Variants in INTS8 observed in about 807,000 individuals in gnomAD.
INTS8 encodes the protein integrator complex subunit 8.
A neutral mutation model predicts 138.9 loss-of-function variants in INTS8; 47 were observed. The ratio of observed to expected loss-of-function variants is 0.34; its 90% CI spans 0.27 to 0.43. INTS8 has a LOEUF of 0.43. INTS8 is among the 20% of genes least tolerant of loss of function. The pLI is 1.00. For synonymous variants in INTS8, 392 were observed against 400.9 expected (o/e 0.98, Z 0.27); for missense variants, 996 against 1,173.0 (o/e 0.85, Z 2.20).
At chr8:94,860,955 G>C (rs965366132) in intron 16 of INTS8, among the ~76,000 whole-genome samples, 1 of 150,980 alleles carries the variant, frequency 6.6e-6, no homozygotes, top group Non-Finnish European at 1.5e-5. Flanking sequence ...TACTCGGGAG[G>C]CTGAGGCAGG....
At chr8:94,869,188 T>C (rs1157961325) in intron 20 of INTS8, among the ~76,000 whole-genome samples, 1 of 151,292 alleles carries the variant, frequency 6.6e-6, no homozygotes, top group African/African-American at 2.4e-5. Flanking sequence ...TTCATGTTGG[T>C]CAGGCTGGTC....
chr8:94,861,949 C>CT (rs899759972), intron 16 of INTS8, among the ~76,000 whole-genome samples: 5 of 151,506 alleles, frequency 3.3e-5, no homozygotes, highest in Admixed American at 1.3e-4. Context: ...TCTATCTCTT[C>CT]TTTTTTTTGG....
intron 10 of INTS8, among the ~76,000 whole-genome samples, chr8:94,848,343 T>C (rs927461922): frequency 6.6e-6 from 1 of 152,140 alleles, no homozygotes; most frequent in African/African-American, 2.4e-5. Context: ...CATCAAGATA[T>C]AATTCACATA....
At chr8:94,833,959 A>T (rs548859181) in intron 6 of INTS8, among the ~76,000 whole-genome samples, 80 of 151,988 alleles carry the variant, frequency 5.3e-4, no homozygotes, top group African/African-American at 1.8e-3. Context: ...TTTAGTAGAG[A>T]TGGGGTTTCT....
chr8:94,830,162 C>T (rs546216965), intron 5 of INTS8, among the ~76,000 whole-genome samples: 149 of 152,306 alleles, frequency 9.8e-4, no homozygotes, highest in Middle Eastern at 3.4e-3. Flanking sequence ...TTCCAAAGTG[C>T]TGGGATTACA....
chr8:94,878,104 C>T (rs1174488151), intron 26 of INTS8, among the ~76,000 whole-genome samples: 1 of 152,118 alleles, frequency 6.6e-6, no homozygotes, highest in Non-Finnish European at 1.5e-5. Context: ...CTGGGAAAGC[C>T]CTAGCCCTGC....
chr8:94,859,587 A>G lies in INTS8; in HGVS notation c.2031A>G (p.Thr677=), dbSNP rs138818665. 2.1e-3 allele frequency: 3,400 copies of G among 1,611,664 alleles called. 6 individuals carry two copies. The highest frequency in any genetic ancestry group is 2.5e-3 in the Non-Finnish European group (2,900 of 1,178,006). ...ACTGGAGAGAAAATGAATACCTTAC[A>G]CTCCAAGTTCCTGCATTTTTGCTTC... The part of the protein sequence containing the change: ...MLNWRENEYL[T]LQVPAFLLQS... Residue 677 remains threonine, a synonymous_variant, in exon 16 of 27, where the codon ACA becomes ACG. Transcript: ENST00000523731.
rs765249039 is a variant in INTS8, at chr8:94,842,397, T to C, written c.1169T>C (p.Val390Ala). Residue 390 changes from valine to alanine, a missense_variant, in exon 10 of 27, where the codon GTC becomes GCC. Val to Ala is a moderately conservative substitution (Grantham distance 64). Transcript: ENST00000523731. Reference protein sequence around the residue: ...ICFKVCACNTVRDILEGRTIS... With the variant: ...ICFKVCACNTARDILEGRTIS... ...TTTAAAGTTTGTGCCTGTAATACAGTCCGTGATATACTGGAAGGCAGAACA... is the reference window on the plus strand; with the variant it reads ...TTTAAAGTTTGTGCCTGTAATACAGCCCGTGATATACTGGAAGGCAGAACA... 7 of 1,603,970 alleles carry C rather than the reference T, an allele frequency of 4.4e-6. No individual in the cohort carries two copies. In the East Asian group the frequency reaches 1.6e-4, roughly 36 times the overall value.
chr8:94,851,588 C>G lies in INTS8; in HGVS notation c.1543C>G (p.Gln515Glu), dbSNP rs1249058073. Reference protein sequence around the residue: ...ASVNIGQLEHQLILSVDPWRI... With the variant: ...ASVNIGQLEHELILSVDPWRI... ...TGTCAACATTGGTCAGTTAGAGCAT[C>G]AACTTATATTGTCAGTGGATCCTTG... The change falls in exon 13 of 27, where the codon CAA (glutamine) becomes GAA (glutamate). Residue 515 changes from glutamine (Q) to glutamate (E), a missense_variant. Coordinates refer to ENST00000523731, the MANE Select transcript of INTS8 (RefSeq NM_017864.4). 1 of 1,594,200 alleles carries G rather than the reference C, an allele frequency of 6.3e-7. No homozygotes were observed. The highest frequency in any genetic ancestry group is 8.5e-7 in the Non-Finnish European group (1 of 1,172,640).
chr8:94,873,554 T>C, intron 22 of INTS8, 77 bp downstream of exon 22: 1 of 866,384 alleles, frequency 1.2e-6, no homozygotes, highest in East Asian at 2.4e-5. Context: ...TGGCTGAACT[T>C]ACCCATTTCC....
chr8:94,878,394 G>A (rs777171738), intron 26 of INTS8, among the ~76,000 whole-genome samples: 1 of 152,156 alleles, frequency 6.6e-6, no homozygotes, highest in Non-Finnish European at 1.5e-5. Context: ...TGTCCTCATG[G>A]ATGTTAAGAG....
chr8:94,878,738 C>G (rs1461800402), intron 26 of INTS8, among the ~76,000 whole-genome samples: 3 of 152,224 alleles, frequency 2.0e-5, no homozygotes, highest in Admixed American at 6.5e-5. Flanking sequence ...AATTTGACTT[C>G]TGCCATCACT....
intron 23 of INTS8, 25 bp downstream of exon 23, chr8:94,874,627 G>T (rs1039413025): frequency 1.4e-6 from 2 of 1,387,670 alleles, no homozygotes; most frequent in Non-Finnish European, 2.0e-6. Context: ...TTATGAAGTT[G>T]TTTTATTTTT....
At position 94,856,667 on chromosome 8, in the gene INTS8, A is replaced by C. The variant is rs566772481; in HGVS notation, c.1753-110A>C. 77 of 844,914 alleles carry C rather than the reference A, an allele frequency of 9.1e-5. No individual in the cohort carries two copies. In the African/African-American group the frequency reaches 1.1e-3, roughly 12 times the overall value. The allele number at this position is 844,914 out of a possible 1,614,324, so 52.3% of individuals were successfully genotyped here. ...CTAGCCTTACTGCCTGAGAAAAGCAACGTTAACCATTTGAAATAATCCTTC... is the reference window on the plus strand; with the variant it reads ...CTAGCCTTACTGCCTGAGAAAAGCACCGTTAACCATTTGAAATAATCCTTC... On this transcript the variant is annotated intron_variant, in intron 14 of 26. Coordinates refer to ENST00000523731, the MANE Select transcript of INTS8 (RefSeq NM_017864.4).
At chr8:94,851,798 T>G (rs944573011) in intron 13 of INTS8, 112 bp downstream of exon 13, 3 of 761,760 alleles carry the variant, frequency 3.9e-6, no homozygotes, top group Non-Finnish European at 6.2e-6. Context: ...ACTTAACAGT[T>G]TTAAGACCTT....
In INTS8 at chr8:94,871,919, C is replaced by G. The variant is rs760577357; in HGVS notation, c.2450C>G (p.Thr817Arg). 6.2e-7 allele frequency: 1 copy of G among 1,606,698 alleles called. No individual in the cohort carries two copies. The highest frequency in any genetic ancestry group is 8.5e-7 in the Non-Finnish European group (1 of 1,173,900). The change falls in exon 21 of 27, where the codon ACA becomes AGA. Residue 817 changes from threonine (T) to arginine (R), a missense_variant. Thr to Arg is a moderately conservative substitution (Grantham distance 71, BLOSUM62 -1). Transcript: ENST00000523731. The part of the protein sequence containing the change: ...QSVDFEAVAI[T>R]VKELVRYTLS... Reference sequence around the variant, plus strand: ...GTGGACTTTGAAGCTGTGGCAATCACAGTGAAAGAGCTAGTTCGATATACA... The same window carrying G: ...GTGGACTTTGAAGCTGTGGCAATCAGAGTGAAAGAGCTAGTTCGATATACA...
chr8:94,850,950 G>A (rs1815521119), intron 12 of INTS8, among the ~76,000 whole-genome samples: 1 of 152,106 alleles, frequency 6.6e-6, no homozygotes, highest in Non-Finnish European at 1.5e-5. Flanking sequence ...TTTAACAAAA[G>A]CAAACTTTTA....
At chr8:94,866,728 T>C (rs1253700849) in intron 18 of INTS8, 2 of 175,126 alleles carry the variant, frequency 1.1e-5, no homozygotes, top group African/African-American at 4.8e-5. Flanking sequence ...CTTTAAATTG[T>C]AAAGAAGTCT....
chr8:94,836,696 T>C, intron 7 of INTS8, 65 bp downstream of exon 7: 2 of 1,015,790 alleles, frequency 2.0e-6, no homozygotes, highest in Non-Finnish European at 3.0e-6. Context: ...TTTTTTTGGC[T>C]TTGATTTTTC....
Sources: gnomAD v4.1 joint callset for allele counts (sites outside exome capture counted in the v4.1 genomes callset) on GRCh38, gnomAD v4.1.1 for gene constraint, MANE v1.5 for transcripts, NCBI Gene and HGNC (gene_info 2026-07-23, HGNC 2026-07-21) for gene names.